The following SYNE2 variants were observed in gnomAD, a reference collection of about 807,000 sequenced individuals.
SYNE2 encodes spectrin repeat containing nuclear envelope protein 2.
Under a neutral mutation model 856.3 loss-of-function variants are expected in SYNE2, and 431 were observed. The observed-to-expected ratio is 0.50, with a 90% confidence interval of 0.47 to 0.55. The LOEUF (loss-of-function observed/expected upper bound fraction) is 0.55. Ranked by LOEUF, SYNE2 falls within the 20% of genes least tolerant of loss-of-function variation. SYNE2 has a pLI of 0.00. For synonymous variants in SYNE2, 2,923 were observed against 2,872.3 expected, an observed-to-expected ratio of 1.02 and a Z score of -0.56; for missense variants, 8,129 against 8,023.2, an observed-to-expected ratio of 1.01 and a Z score of -0.50.
At chr14:64,055,599 C>G (rs1232791577) in intron 48 of SYNE2, among the ~76,000 whole-genome samples, 1 of 151,944 alleles carries the variant, frequency 6.6e-6, no homozygotes, top group East Asian at 1.9e-4. Flanking sequence ...GAACTCTGGA[C>G]CTCGTGATCC....
intron 2 of SYNE2, among the ~76,000 whole-genome samples, chr14:63,923,464 AAT>A (rs1216586431): frequency 6.6e-6 from 1 of 152,266 alleles, no homozygotes; most frequent in African/African-American, 2.4e-5. Context: ...ATTGAGGAAA[AAT>A]AACAAACTCC....
chr14:64,131,450 G>GTT (rs2098019781), intron 76 of SYNE2, among the ~76,000 whole-genome samples: 2 of 152,232 alleles, frequency 1.3e-5, no homozygotes, highest in African/African-American at 4.8e-5. Context: ...TTGAGTAGAA[G>GTT]TTAAAGCCAG....
Position 64,221,675 on chromosome 14 carries a change from G to T in SYNE2, c.20161G>T (p.Ala6721Ser). Reference sequence around the variant, plus strand: ...CACCGATCCAAAGGCAGACCCCCGGGCTCTCCTAGAGTGTCGGAGGGAACT... The same window carrying T: ...CACCGATCCAAAGGCAGACCCCCGGTCTCTCCTAGAGTGTCGGAGGGAACT... The part of the protein sequence containing the change: ...HVTDPKADPR[A>S]LLECRRELMQ... Residue 6721 changes from alanine to serine, a missense_variant, in exon 112 of 116, where the codon GCT becomes TCT. Physicochemically the swap from Ala to Ser is moderately conservative, Grantham distance 99. Around this residue, in one of 3 missense-constraint regions of SYNE2, gnomAD observed 5,410 missense variants for 5,284.8 expected, o/e 1.02. Coordinates refer to ENST00000555002, the MANE Select transcript of SYNE2 (RefSeq NM_182914.3). The T allele has an allele frequency of 6.2e-7, 1 of 1,614,154 alleles. No homozygotes were observed. Among genetic ancestry groups the T allele is most frequent in the Non-Finnish European group, 8.5e-7 (1 of 1,180,032 alleles).
intron 1 of SYNE2, among the ~76,000 whole-genome samples, chr14:63,789,444 C>T (rs566949596): frequency 2.6e-5 from 4 of 152,230 alleles, no homozygotes; most frequent in South Asian, 4.1e-4. Flanking sequence ...ATTCTTTGCA[C>T]GCCTGAAAAT....
chr14:63,892,332 G>A (rs984606402), intron 1 of SYNE2, among the ~76,000 whole-genome samples: 1 of 151,838 alleles, frequency 6.6e-6, no homozygotes, highest in Non-Finnish European at 1.5e-5. Context: ...AGAAGGACTA[G>A]TTCAACTTTG....
intron 18 of SYNE2, among the ~76,000 whole-genome samples, chr14:63,985,818 G>C (rs2096621064): frequency 6.6e-6 from 1 of 152,100 alleles, no homozygotes; most frequent in Admixed American, 6.6e-5. Flanking sequence ...AGATCAGCCT[G>C]GGCAACACAG....
intron 99 of SYNE2, among the ~76,000 whole-genome samples, chr14:64,193,186 A>G: frequency 6.6e-6 from 1 of 152,204 alleles, no homozygotes; most frequent in East Asian, 1.9e-4. Flanking sequence ...CCAGGACACC[A>G]TGTAGCCTCT....
intron 24 of SYNE2, 30 bp downstream of exon 24, chr14:63,997,188 C>A: frequency 6.2e-7 from 1 of 1,603,654 alleles, no homozygotes; most frequent in Non-Finnish European, 8.5e-7. Flanking sequence ...AGCTACCCTT[C>A]AGGATAAAAC....
chr14:63,850,478 C>T (rs1890373992), upstream of SYNE2, among the ~76,000 whole-genome samples: 1 of 151,972 alleles, frequency 6.6e-6, no homozygotes, highest in Non-Finnish European at 1.5e-5. Context: ...TTACTGTTTC[C>T]TAGTCAGAGA....
chr14:63,999,841 G>T (rs2096740491), intron 27 of SYNE2, among the ~76,000 whole-genome samples: 1 of 152,038 alleles, frequency 6.6e-6, no homozygotes, highest in Non-Finnish European at 1.5e-5. Context: ...TCCACCATCT[G>T]GCTGCTCTCC....
At chr14:63,957,888 C>A (rs571687808) in intron 8 of SYNE2, among the ~76,000 whole-genome samples, 1 of 152,110 alleles carries the variant, frequency 6.6e-6, no homozygotes, top group East Asian at 1.9e-4. Context: ...GAGTTATGCT[C>A]ACTCTTCTTG....
Position 63,995,090 on chromosome 14 carries a change from A to T in SYNE2, c.2828A>T (p.Asp943Val). 6.3e-7 allele frequency: 1 copy of T among 1,576,036 alleles called. No individual in the cohort carries two copies. The highest frequency in any genetic ancestry group is 2.3e-5 in the East Asian group (1 of 44,412). ...TTATATGTTCAACAACTAAAAATAG[A>T]TATTGAAAAAGGAAAGCTTAGTGAC... ...LSLYVQQLKI[D>V]IEKGKLSDNI... Residue 943 changes from aspartate (D) to valine (V), a missense_variant, in exon 23 of 116, where the codon GAT becomes GTT. By Grantham distance (152) the Asp-to-Val change is radical. Around this residue, in one of 3 missense-constraint regions of SYNE2, gnomAD observed 2,422 missense variants for 2,357.4 expected, o/e 1.03. Transcript: ENST00000555002.
intron 51 of SYNE2, among the ~76,000 whole-genome samples, chr14:64,066,816 TCA>T (rs963403479): frequency 1.3e-5 from 2 of 152,192 alleles, no homozygotes; most frequent in Non-Finnish European, 1.5e-5. Flanking sequence ...GTAAATTTTA[TCA>T]CCATTTTATC....
At chr14:63,856,018 T>G (rs976776952) in intron 1 of SYNE2, among the ~76,000 whole-genome samples, 9 of 151,906 alleles carry the variant, frequency 5.9e-5, no homozygotes, top group Admixed American at 6.6e-5. Flanking sequence ...GCATAAGAGG[T>G]TGTAGAGAGG....
intron 1 of SYNE2, among the ~76,000 whole-genome samples, chr14:63,883,098 G>A (rs549004491): frequency 1.5e-4 from 22 of 151,220 alleles, no homozygotes; most frequent in African/African-American, 3.4e-4. Context: ...TTGCTCTGTC[G>A]CCCAGGCTGG....
chr14:64,132,961 G>A (rs933769250), intron 77 of SYNE2, among the ~76,000 whole-genome samples: 7 of 152,266 alleles, frequency 4.6e-5, no homozygotes, highest in Admixed American at 6.5e-5. Flanking sequence ...CCAGCACTTT[G>A]GGAGGCGGAG....
chr14:64,134,275 G>C, intron 78 of SYNE2, 75 bp downstream of exon 78: 7 of 1,491,214 alleles, frequency 4.7e-6, no homozygotes, highest in Non-Finnish European at 6.5e-6. Flanking sequence ...TGACTAAGTG[G>C]CTTGATTTGG....
Position 63,998,999 on chromosome 14 carries a change from A to G in SYNE2, c.3439A>G (p.Arg1147Gly). Reference sequence around the variant, plus strand: ...TTCTGATTTCTCTAGTGAAGAGGACAGGAGTAGTTCTTGTCTGCAGGCTAA... The same window carrying G: ...TTCTGATTTCTCTAGTGAAGAGGACGGGAGTAGTTCTTGTCTGCAGGCTAA... ...ITSDFSSEED[R>G]SSSCLQAKLT... Residue 1147 changes from arginine (R) to glycine (G), a missense_variant, in exon 27 of 116, where the codon AGG (arginine) becomes GGG (glycine). Coordinates refer to ENST00000555002, the MANE Select transcript of SYNE2 (RefSeq NM_182914.3). The G allele has an allele frequency of 6.2e-7, 1 of 1,614,050 alleles. No homozygotes were observed.
intron 112 of SYNE2, among the ~76,000 whole-genome samples, chr14:64,222,363 A>C (rs542186786): frequency 6.4e-4 from 97 of 152,338 alleles, no homozygotes; most frequent in Non-Finnish European, 1.2e-3. Context: ...ATGTGGCTTA[A>C]AGCACCTGAA....
Sources: gnomAD v4.1 joint callset for allele counts (sites outside exome capture counted in the v4.1 genomes callset) on GRCh38, gnomAD v4.1.1 for gene constraint, gnomAD v4.1.1 regional missense constraint, MANE v1.5 for transcripts, NCBI Gene and HGNC (gene_info 2026-07-23, HGNC 2026-07-21) for gene names.